Variants in GOLM1 observed in about 807,000 individuals in gnomAD.
GOLM1 encodes epididymis luminal protein 46.
Under a neutral mutation model 50.5 loss-of-function variants are expected in GOLM1, and 31 were observed. The ratio of observed to expected loss-of-function variants is 0.61; its 90% CI spans 0.46 to 0.83. The LOEUF (loss-of-function observed/expected upper bound fraction) is 0.83. GOLM1 is among the 40% of genes least tolerant of loss of function. GOLM1 has a pLI of 0.00. For synonymous variants in GOLM1, 178 were observed against 192.8 expected, an observed-to-expected ratio of 0.92 and a Z score of 0.64; for missense variants, 491 against 501.3, an observed-to-expected ratio of 0.98 and a Z score of 0.20.
chr9:86,050,927 G>A (rs140805158), intron 4 of GOLM1, among the ~76,000 whole-genome samples: 9,197 of 152,108 alleles, frequency 0.06, 925 homozygotes, highest in African/African-American at 0.21. Flanking sequence ...GTTTGCTCTT[G>A]CTTCTCTAGT....
intron 5 of GOLM1, among the ~76,000 whole-genome samples, chr9:86,043,696 G>C (rs1011984485): frequency 1.3e-5 from 2 of 152,158 alleles, no homozygotes; most frequent in African/African-American, 4.8e-5. Context: ...GCCAGAAAGA[G>C]CTTTCAATCT....
At chr9:86,043,463 T>C (rs1049243011) in intron 5 of GOLM1, among the ~76,000 whole-genome samples, 2 of 152,200 alleles carry the variant, frequency 1.3e-5, no homozygotes, top group South Asian at 2.1e-4. Flanking sequence ...CAGAGGCCCA[T>C]ATAATTTGCA....
chr9:86,051,193 C>T (rs1833737738), intron 4 of GOLM1, among the ~76,000 whole-genome samples: 1 of 152,130 alleles, frequency 6.6e-6, no homozygotes, highest in African/African-American at 2.4e-5. Flanking sequence ...TTTCTTAATC[C>T]TGAGTTCTAA....
chr9:86,068,434 G>A (rs1022177276), intron 3 of GOLM1, among the ~76,000 whole-genome samples: 1 of 152,244 alleles, frequency 6.6e-6, no homozygotes, highest in Non-Finnish European at 1.5e-5. Context: ...TCTGCTGTGA[G>A]CGAGGATGCT....
intron 9 of GOLM1, among the ~76,000 whole-genome samples, chr9:86,029,047 C>T (rs951132392): frequency 1.8e-4 from 28 of 151,744 alleles, no homozygotes; most frequent in Admixed American, 1.1e-3. Context: ...TTAGTAGAGG[C>T]GGGTTTTCAC....
chr9:86,088,090 G>A (rs1207478577), intron 1 of GOLM1, among the ~76,000 whole-genome samples: 2 of 151,974 alleles, frequency 1.3e-5, no homozygotes, highest in Non-Finnish European at 2.9e-5. Context: ...TGGTTGGTAG[G>A]CTATTCATTA....
rs1036920680 is a variant in GOLM1 at position 86,082,944 on chromosome 9, ATC to A, written c.-21-3605_-21-3604del. ...AATGCTGTGTATTTCTTAGTAACACATCTTGCCTCCCCTTTTTTAGTAGCACA... is the reference window on the plus strand; with the variant it reads ...AATGCTGTGTATTTCTTAGTAACACATTGCCTCCCCTTTTTTAGTAGCACA... On this transcript the variant is annotated intron_variant, in intron 1 of 9. Coordinates refer to ENST00000388712, the MANE Select transcript of GOLM1 (RefSeq NM_016548.4). Among the ~76,000 whole-genome samples, 13 of 152,356 alleles carry A rather than the reference ATC, an allele frequency of 8.5e-5. No individual in the cohort carries two copies. In the East Asian group the frequency reaches 2.5e-3, roughly 29 times the overall value.
chr9:86,090,034 G>T (rs1835124777), intron 1 of GOLM1, among the ~76,000 whole-genome samples: 1 of 152,102 alleles, frequency 6.6e-6, no homozygotes, highest in Non-Finnish European at 1.5e-5. Flanking sequence ...GAGTTTGCTG[G>T]AGGTCCACTC....
chr9:86,067,302 G>C (rs967668918), intron 3 of GOLM1, among the ~76,000 whole-genome samples: 2 of 152,208 alleles, frequency 1.3e-5, no homozygotes, highest in African/African-American at 2.4e-5. Flanking sequence ...CCTTAGGAGA[G>C]AATGCACACC....
intron 6 of GOLM1, 88 bp from the exon 7 acceptor site, chr9:86,036,595 C>G: frequency 7.5e-7 from 1 of 1,326,750 alleles, no homozygotes; most frequent in East Asian, 2.4e-5. Context: ...TGAATCCCAC[C>G]AATCCCACCA....
At position 86,027,400 on chromosome 9, in the gene GOLM1, T is replaced by G. The variant is rs1325061523; in HGVS notation, c.*417A>C. 1.0e-6 allele frequency: 1 copy of G among 1,000,210 alleles called. No individual in the cohort carries two copies. The highest frequency in any genetic ancestry group is 1.2e-6 in the Non-Finnish European group (1 of 839,956). The allele number at this position is 1,000,210 out of a possible 1,614,324, so 62.0% of individuals were successfully genotyped here. A position where few individuals can be genotyped will look rare whatever the true frequency, so the allele number is the denominator to read the frequency against. On this transcript the variant is annotated 3_prime_UTR_variant, in exon 10 of 10. Coordinates refer to ENST00000388712, the MANE Select transcript of GOLM1 (RefSeq NM_016548.4). ...GTAACAGGCTGGCACCAGCACTTGGTACAGCACGTGGACAGGACGACGGAA... is the reference window on the plus strand; with the variant it reads ...GTAACAGGCTGGCACCAGCACTTGGGACAGCACGTGGACAGGACGACGGAA...
intron 5 of GOLM1, among the ~76,000 whole-genome samples, chr9:86,042,680 A>C (rs1168636639): frequency 1.3e-5 from 2 of 152,218 alleles, no homozygotes; most frequent in Non-Finnish European, 2.9e-5. Context: ...ATACTGTAGA[A>C]CTAAATGAGC....
At chr9:86,040,926 C>A in intron 5 of GOLM1, 58 bp from the exon 6 acceptor site, 1 of 1,540,538 alleles carries the variant, frequency 6.5e-7, no homozygotes, top group Non-Finnish European at 8.8e-7. Flanking sequence ...CTCTGCTGGA[C>A]GGTGACATCC....
At chr9:86,057,065 T>C (rs112134616) in intron 3 of GOLM1, among the ~76,000 whole-genome samples, 1 of 152,192 alleles carries the variant, frequency 6.6e-6, no homozygotes, top group African/African-American at 2.4e-5. Context: ...GGGGTAGCTG[T>C]ACTTCCTGGT....
chr9:86,050,085 ATTTTGTCAAAGGCCTTT>A (rs1833690147), intron 4 of GOLM1, among the ~76,000 whole-genome samples: 1 of 152,128 alleles, frequency 6.6e-6, no homozygotes, highest in Non-Finnish European at 1.5e-5. Context: ...GGGCTGTTGA[ATTTTGTCAAAGGCCTTT>A]TCTGCATCTA....
chr9:86,052,319 A>G (rs1438407632), intron 4 of GOLM1, among the ~76,000 whole-genome samples: 1 of 152,214 alleles, frequency 6.6e-6, no homozygotes, highest in Non-Finnish European at 1.5e-5. Context: ...ACTCTTCTGT[A>G]CCTAACAGCT....
At chr9:86,033,216 C>CA in intron 9 of GOLM1, 66 bp downstream of exon 9, 1 of 875,268 alleles carries the variant, frequency 1.1e-6, no homozygotes, top group Non-Finnish European at 1.9e-6. Flanking sequence ...ATTGGATAAT[C>CA]ACGGTGAAGG....
At chr9:86,059,986 T>A (rs111243620) in intron 3 of GOLM1, among the ~76,000 whole-genome samples, 1,799 of 133,944 alleles carry the variant, frequency 0.013, 9 homozygotes, top group Middle Eastern at 0.059. Flanking sequence ...CTGAGATGTA[T>A]GATACATTAA....
At chr9:86,037,143 G>T (rs1010641562) in intron 6 of GOLM1, among the ~76,000 whole-genome samples, 30 of 152,226 alleles carry the variant, frequency 2.0e-4, no homozygotes, top group Non-Finnish European at 2.9e-5. Context: ...AGCCAGGCGC[G>T]GTGGCGCACA....
Sources: allele counts gnomAD v4.1 joint callset (sites outside exome capture counted in the v4.1 genomes callset), GRCh38; gene constraint gnomAD v4.1.1; transcripts MANE v1.5; gene names NCBI Gene and HGNC (gene_info 2026-07-23, HGNC 2026-07-21).